The following ZSCAN25 variants were observed in gnomAD, a reference collection of about 807,000 sequenced individuals.
ZSCAN25 encodes the protein zinc finger and SCAN domain containing 25, also known as zinc finger and SCAN domain-containing protein 25.
In ZSCAN25, 27 loss-of-function variants were observed where a neutral mutation model predicts 38.7. The ratio of observed to expected loss-of-function variants is 0.70; its 90% CI spans 0.51 to 0.96. The LOEUF (loss-of-function observed/expected upper bound fraction) is 0.96. ZSCAN25 is among the 40% of genes least tolerant of loss of function. The pLI is 0.00. For missense variants in ZSCAN25, 637 were observed against 705.9 expected, an observed-to-expected ratio of 0.90 and a Z score of 1.11; for synonymous variants, 273 against 277.7, an observed-to-expected ratio of 0.98 and a Z score of 0.17.
chr7:99,705,922 A>G, the ZSCAN25 span, among the ~76,000 whole-genome samples: 1 of 152,252 alleles, frequency 6.6e-6, no homozygotes, highest in Admixed American at 6.5e-5. Flanking sequence ...AATTTAAACC[A>G]GATTATTAGG....
chr7:99,700,436 G>A, the ZSCAN25 span, among the ~76,000 whole-genome samples: 1 of 152,024 alleles, frequency 6.6e-6, no homozygotes, highest in African/African-American at 2.4e-5. Context: ...CACAACTGCA[G>A]ATCTTTACCC....
chr7:99,734,498 A>G, the ZSCAN25 span, among the ~76,000 whole-genome samples: 1 of 152,206 alleles, frequency 6.6e-6, no homozygotes, highest in Non-Finnish European at 1.5e-5. Flanking sequence ...TCCACTAAAG[A>G]TGAATGGGGG....
the ZSCAN25 span, among the ~76,000 whole-genome samples, chr7:99,719,999 AAACAAAC>A: frequency 5.3e-5 from 8 of 151,650 alleles, no homozygotes; most frequent in African/African-American, 9.8e-5. Context: ...TCAGTCCGAA[AAACAAAC>A]AACAAACAAC....
the ZSCAN25 span, chr7:99,664,155 C>G: frequency 7.5e-7 from 1 of 1,339,284 alleles, no homozygotes; most frequent in Non-Finnish European, 1.0e-6. Flanking sequence ...TTACCTGGAG[C>G]AATTATAATT....
the ZSCAN25 span, among the ~76,000 whole-genome samples, chr7:99,696,946 A>C: frequency 6.6e-6 from 1 of 152,132 alleles, no homozygotes; most frequent in Non-Finnish European, 1.5e-5. Context: ...GCCATGTAAT[A>C]TCTGCCTACT....
At chr7:99,648,072 A>G in the ZSCAN25 span, 35 of 1,129,470 alleles carry the variant, frequency 3.1e-5, no homozygotes, top group Non-Finnish European at 3.5e-5. Context: ...AGAAGCAGAG[A>G]AGCTGAGTCT....
chr7:99,736,863 C>T, the ZSCAN25 span, among the ~76,000 whole-genome samples: 1 of 152,060 alleles, frequency 6.6e-6, no homozygotes, highest in Non-Finnish European at 1.5e-5. Flanking sequence ...CAGTGTTGTG[C>T]CAGGTATGTG....
chr7:99,641,439 T>C, the ZSCAN25 span, among the ~76,000 whole-genome samples: 1 of 152,150 alleles, frequency 6.6e-6, no homozygotes, highest in Non-Finnish European at 1.5e-5. Context: ...GAAACTATAA[T>C]TCAAGATGAG....
the ZSCAN25 span, among the ~76,000 whole-genome samples, chr7:99,724,336 G>C: frequency 1.3e-5 from 2 of 152,082 alleles, no homozygotes; most frequent in African/African-American, 4.8e-5. Context: ...TTGATTTCTC[G>C]ATCTTATAAG....
chr7:99,676,571 C>T, the ZSCAN25 span: 5 of 1,355,820 alleles, frequency 3.7e-6, no homozygotes, highest in South Asian at 5.7e-5. Context: ...TTTGGGGACT[C>T]TCATCCTAGG....
At chr7:99,673,833 C>T in the ZSCAN25 span, among the ~76,000 whole-genome samples, 1 of 152,336 alleles carries the variant, frequency 6.6e-6, no homozygotes, top group Admixed American at 6.5e-5. Context: ...AGACACTGGA[C>T]AGAAGGCGAT....
At chr7:99,666,737 G>C in the ZSCAN25 span, 1 of 1,613,486 alleles carries the variant, frequency 6.2e-7, no homozygotes. Context: ...GCAGACTCAA[G>C]TCCCAGAAGG....
downstream of ZSCAN25, among the ~76,000 whole-genome samples, chr7:99,633,886 T>C (rs1396343045): frequency 1.3e-5 from 2 of 152,220 alleles, no homozygotes; most frequent in African/African-American, 4.8e-5. Context: ...GCTTCTTTGC[T>C]TTCTGGCATG....
At chr7:99,718,211 A>G in the ZSCAN25 span, among the ~76,000 whole-genome samples, 8 of 152,306 alleles carry the variant, frequency 5.3e-5, no homozygotes, top group East Asian at 1.5e-3. Context: ...AACATGGCAC[A>G]TGCATACATA....
chr7:99,721,228 A>G, the ZSCAN25 span, among the ~76,000 whole-genome samples: 3 of 152,226 alleles, frequency 2.0e-5, no homozygotes, highest in Non-Finnish European at 4.4e-5. Context: ...ATGTATTTAT[A>G]TATCCTTCTA....
At chr7:99,709,265 A>C in the ZSCAN25 span, 212 of 1,613,376 alleles carry the variant, frequency 1.3e-4, 1 homozygote, top group Non-Finnish European at 1.7e-4. Flanking sequence ...GTGGTGCCTG[A>C]AAAGAAAGAA....
the ZSCAN25 span, chr7:99,713,524 A>AT: frequency 6.2e-7 from 1 of 1,613,412 alleles, no homozygotes; most frequent in Non-Finnish European, 8.5e-7. Context: ...GCTGAAGGAA[A>AT]TCCACTCGGT....
chr7:99,633,982 G>A (rs1483802863), downstream of ZSCAN25, among the ~76,000 whole-genome samples: 3 of 152,220 alleles, frequency 2.0e-5, no homozygotes, highest in African/African-American at 4.8e-5. Flanking sequence ...GGACAGTGGT[G>A]TAAACCGGGA....
chr7:99,674,267 T>G, the ZSCAN25 span: 1 of 335,690 alleles, frequency 3.0e-6, no homozygotes, highest in Non-Finnish European at 5.4e-6. Flanking sequence ...CTCAAAACAG[T>G]TATGAGATTC....
Sources: allele counts gnomAD v4.1 joint callset (sites outside exome capture counted in the v4.1 genomes callset), GRCh38; gene constraint gnomAD v4.1.1; transcripts MANE v1.5; gene names NCBI Gene and HGNC (gene_info 2026-07-23, HGNC 2026-07-21).